SLC25A26: variants seen among roughly 807,000 people sequenced by gnomAD.
SLC25A26 encodes mitochondrial S-adenosylmethionine carrier protein.
Under a neutral mutation model 37.8 loss-of-function variants are expected in SLC25A26, and 36 were observed. The ratio of observed to expected loss-of-function variants is 0.95; its 90% CI spans 0.73 to 1.26. The LOEUF (loss-of-function observed/expected upper bound fraction) is 1.26. Among genes scored for constraint, SLC25A26 ranks in the 50% most tolerant of loss-of-function variants. SLC25A26 has a pLI of 0.00. For missense variants in SLC25A26, 390 were observed against 331.1 expected (o/e 1.18, Z -1.38); for synonymous variants, 129 against 122.5 (o/e 1.05, Z -0.35).
chr3:66,216,201 C>T (rs2071358347), upstream of SLC25A26, among the ~76,000 whole-genome samples: 1 of 152,178 alleles, frequency 6.6e-6, no homozygotes, highest in Non-Finnish European at 1.5e-5. Flanking sequence ...CAGATCTTAA[C>T]AAATACTATC....
rs77770909 is a variant in SLC25A26 at position 66,244,293 on chromosome 3, G to A, written c.300+981G>A. ...TTCTTTCAGGAGATGTAACAAGCCC[G>A]AACCTGCACTGAATAACATAGTCTC... On this transcript the variant is annotated intron_variant, in intron 3 of 9. Transcript: ENST00000354883. Among the ~76,000 whole-genome samples, 504 of 152,258 alleles carry A rather than the reference G, an allele frequency of 3.3e-3. 3 individuals carry two copies. The highest frequency in any genetic ancestry group is 0.017 in the East Asian group (88 of 5,184).
chr3:66,267,824 G>A (rs1333454880), intron 5 of SLC25A26, among the ~76,000 whole-genome samples: 2 of 152,170 alleles, frequency 1.3e-5, no homozygotes, highest in Non-Finnish European at 2.9e-5. Context: ...GGATATGGCA[G>A]CTTTTCAGAC....
intron 1 of SLC25A26, among the ~76,000 whole-genome samples, chr3:66,139,361 C>T (rs759354503): frequency 1.3e-5 from 2 of 152,178 alleles, no homozygotes; most frequent in Non-Finnish European, 2.9e-5. Flanking sequence ...GGTGTATGCT[C>T]TACTTGACAG....
chr3:66,339,811 T>A (rs570039798), intron 5 of SLC25A26, among the ~76,000 whole-genome samples: 1 of 152,102 alleles, frequency 6.6e-6, no homozygotes, highest in Non-Finnish European at 1.5e-5. Context: ...CCATAGGTTG[T>A]CTTTTTATGC....
intron 1 of SLC25A26, among the ~76,000 whole-genome samples, chr3:66,233,329 T>A (rs561070322): frequency 6.6e-6 from 1 of 152,240 alleles, no homozygotes; most frequent in Non-Finnish European, 1.5e-5. Flanking sequence ...CTATAAGATA[T>A]TGAGGTCTCG....
intron 5 of SLC25A26, chr3:66,324,191 T>C (rs1336822812): frequency 2.3e-5 from 3 of 129,040 alleles, no homozygotes; most frequent in African/African-American, 1.1e-4. Context: ...TGTGTGTGTG[T>C]GTGTGTGTGT....
At chr3:66,342,065 A>G (rs1370564112) in intron 5 of SLC25A26, among the ~76,000 whole-genome samples, 1 of 152,154 alleles carries the variant, frequency 6.6e-6, no homozygotes, top group Non-Finnish European at 1.5e-5. Flanking sequence ...GGACAGTAGA[A>G]TGGAAAACTC....
chr3:66,262,156 G>T lies in SLC25A26; in HGVS notation c.405+1G>T. 2 of 1,463,174 alleles carry T rather than the reference G, an allele frequency of 1.4e-6. No individual in the cohort carries two copies. The highest frequency in any genetic ancestry group is 1.9e-6 in the Non-Finnish European group (2 of 1,074,054). The allele number at this position is 1,463,174 out of a possible 1,614,324, so 90.6% of individuals were successfully genotyped here. On this transcript the variant is annotated splice_donor_variant, in intron 4 of 9. Coordinates refer to ENST00000354883, the MANE Select transcript of SLC25A26 (RefSeq NM_001379210.1). LOFTEE classifies it high-confidence loss of function. The stretch of plus-strand genomic sequence containing the variant: ...TTTCTCTAACATCTTATATGAAGAG[G>T]TGAGATGGGTTTTTTAAGCTCTTCT...
chr3:66,285,858 C>G (rs1354348317), intron 5 of SLC25A26, among the ~76,000 whole-genome samples: 5 of 152,106 alleles, frequency 3.3e-5, no homozygotes, highest in African/African-American at 7.2e-5. Context: ...AAACAAGCAC[C>G]CTGCCCTTAC....
In SLC25A26 at chr3:66,378,062, A is replaced by ATAAG. The variant is rs1700781256; in HGVS notation, c.*257_*260dup. Reference sequence around the variant, plus strand: ...CAATTTCCTCAGAACCTCTTAATAAATAAGTTTGGTAATGCTGAGGCCAGG... The same window carrying ATAAG: ...CAATTTCCTCAGAACCTCTTAATAAATAAGTAAGTTTGGTAATGCTGAGGCCAGG... On this transcript the variant is annotated 3_prime_UTR_variant, in exon 10 of 10. Transcript: ENST00000354883. 2.1e-5 allele frequency: 8 copies of ATAAG among 377,362 alleles called. No individual in the cohort carries two copies. Among genetic ancestry groups the ATAAG allele is most frequent in the Admixed American group, 8.0e-5 (2 of 24,994 alleles). The allele number at this position is 377,362 out of a possible 1,614,324, so 23.4% of individuals were successfully genotyped here. A position where few individuals can be genotyped will look rare whatever the true frequency, so the allele number is the denominator to read the frequency against.
intron 1 of SLC25A26, among the ~76,000 whole-genome samples, chr3:66,181,546 A>G (rs2070706375): frequency 6.6e-6 from 1 of 152,140 alleles, no homozygotes; most frequent in Non-Finnish European, 1.5e-5. Context: ...CATAGCTATT[A>G]TTTCATTTGA....
intron 5 of SLC25A26, among the ~76,000 whole-genome samples, chr3:66,334,225 C>A (rs939141617): frequency 6.6e-6 from 1 of 152,076 alleles, no homozygotes; most frequent in Non-Finnish European, 1.5e-5. Context: ...GTTGTGTCTC[C>A]CTGTCCCATA....
intron 5 of SLC25A26, among the ~76,000 whole-genome samples, chr3:66,291,575 C>G (rs2074709742): frequency 6.6e-6 from 1 of 152,162 alleles, no homozygotes; most frequent in Admixed American, 6.5e-5. Flanking sequence ...AGTAGTCATT[C>G]AGGAGCAGGT....
chr3:66,369,359 C>T, intron 7 of SLC25A26, 119 bp from the exon 8 acceptor site: 1 of 790,934 alleles, frequency 1.3e-6, no homozygotes, highest in South Asian at 1.6e-5. Context: ...GCATCCTGTT[C>T]TTCAATCAGC....
At chr3:66,299,260 C>T (rs1307162721) in intron 5 of SLC25A26, among the ~76,000 whole-genome samples, 1 of 152,108 alleles carries the variant, frequency 6.6e-6, no homozygotes, top group African/African-American at 2.4e-5. Flanking sequence ...GGCACAGTCT[C>T]GACTCACTGC....
chr3:66,141,923 C>G (rs974724648), intron 1 of SLC25A26, among the ~76,000 whole-genome samples: 3 of 152,226 alleles, frequency 2.0e-5, no homozygotes, highest in African/African-American at 7.2e-5. Flanking sequence ...AGTTCTGAAA[C>G]AAGTTCTATC....
chr3:66,227,942 A>G (rs1553661389), intron 1 of SLC25A26, among the ~76,000 whole-genome samples: 1 of 152,142 alleles, frequency 6.6e-6, no homozygotes, highest in Non-Finnish European at 1.5e-5. Context: ...TCTTTTCTGG[A>G]TAGTGACCTC....
At chr3:66,202,980 G>C (rs984786731) in intron 1 of SLC25A26, among the ~76,000 whole-genome samples, 49 of 152,222 alleles carry the variant, frequency 3.2e-4, no homozygotes, top group Middle Eastern at 6.8e-3. Context: ...CATAGCAGTG[G>C]TTGTCTTCTT....
chr3:66,267,107 A>G (rs1206225380), intron 5 of SLC25A26, among the ~76,000 whole-genome samples: 1 of 152,180 alleles, frequency 6.6e-6, no homozygotes, highest in African/African-American at 2.4e-5. Flanking sequence ...CAAACAGGGA[A>G]GTAGACACTT....
Sources: gnomAD v4.1 joint callset for allele counts (sites outside exome capture counted in the v4.1 genomes callset) on GRCh38, gnomAD v4.1.1 for gene constraint, MANE v1.5 for transcripts, NCBI Gene and HGNC (gene_info 2026-07-23, HGNC 2026-07-21) for gene names.